KCNJ1: variants seen among roughly 807,000 people sequenced by gnomAD.
The protein encoded by KCNJ1 is ATP-sensitive inward rectifier potassium channel 1.
In KCNJ1, 24 loss-of-function variants were observed where a neutral mutation model predicts 21.9. The ratio of observed to expected loss-of-function variants is 1.10; its 90% CI spans 0.79 to 1.54. KCNJ1 has a LOEUF of 1.54. Ranked by LOEUF, KCNJ1 falls within the 40% of genes most tolerant of loss-of-function variation. The pLI is 0.00. For synonymous variants in KCNJ1, 152 were observed against 160.9 expected (o/e 0.94, Z 0.42); for missense variants, 457 against 455.4 (o/e 1.00, Z -0.03).
chr11:128,852,724 C>T (rs1245700681), intron 1 of KCNJ1, among the ~76,000 whole-genome samples: 1 of 152,258 alleles, frequency 6.6e-6, no homozygotes, highest in East Asian at 1.9e-4. Flanking sequence ...ACCCAGGAGC[C>T]CTCTCAGAAC....
chr11:128,840,425 A>G (rs1196473294), intron 2 of KCNJ1, among the ~76,000 whole-genome samples, 161 bp from the exon 3 acceptor site: 1 of 152,222 alleles, frequency 6.6e-6, no homozygotes, highest in Non-Finnish European at 1.5e-5. Flanking sequence ...CCACAATGCT[A>G]TTTCTGATAG....
At chr11:128,866,006 T>G (rs116828807) in intron 1 of KCNJ1, among the ~76,000 whole-genome samples, 1,683 of 152,288 alleles carry the variant, frequency 0.011, 38 homozygotes, top group African/African-American at 0.039. Context: ...GAAATCCACC[T>G]TCATGACTTG....
At chr11:128,842,640 A>G (rs1330435344) in intron 2 of KCNJ1, 32 of 882,218 alleles carry the variant, frequency 3.6e-5, no homozygotes, top group Admixed American at 3.4e-4. Flanking sequence ...TTTCTTTCCA[A>G]CATCACATGG....
Position 128,841,835 on chromosome 11 carries a change from T to C in KCNJ1, c.-21-1571A>G, listed in dbSNP as rs1388081509. 2.6e-5 allele frequency among the ~76,000 whole-genome samples: 4 copies of C among 152,148 alleles called. No individual in the cohort carries two copies. The East Asian group carries it at 7.7e-4, about 29-fold the overall frequency. ...CTAAAGACATAAAAAAAGAAAATGCTGCCAAGAGAATAAACAGCAATGCAC... is the reference window on the plus strand; with the variant it reads ...CTAAAGACATAAAAAAAGAAAATGCCGCCAAGAGAATAAACAGCAATGCAC... On this transcript the variant is annotated intron_variant, in intron 2 of 2. Transcript: ENST00000392666.
chr11:128,858,112 T>G (rs576779966), intron 1 of KCNJ1, among the ~76,000 whole-genome samples: 3 of 85,382 alleles, frequency 3.5e-5, no homozygotes, highest in Non-Finnish European at 7.0e-5. Context: ...TGGGGAGGGA[T>G]GGGGCAGGAT....
At chr11:128,861,633 C>T (rs747938913) in intron 1 of KCNJ1, among the ~76,000 whole-genome samples, 1 of 152,130 alleles carries the variant, frequency 6.6e-6, no homozygotes, top group Non-Finnish European at 1.5e-5. Context: ...AACTGGGGCT[C>T]GCCTCCCTGG....
At chr11:128,844,554 GCTT>G (rs1043393714) in intron 2 of KCNJ1, among the ~76,000 whole-genome samples, 1 of 152,138 alleles carries the variant, frequency 6.6e-6, no homozygotes, top group Non-Finnish European at 1.5e-5. Context: ...AAAAATATGT[GCTT>G]CATTTTTATG....
chr11:128,854,242 G>C (rs1055163723), intron 1 of KCNJ1, among the ~76,000 whole-genome samples: 1 of 152,192 alleles, frequency 6.6e-6, no homozygotes, highest in Non-Finnish European at 1.5e-5. Context: ...GCTCTCCTGG[G>C]AGCTCGGTTT....
intron 2 of KCNJ1, among the ~76,000 whole-genome samples, chr11:128,847,057 C>A (rs1591410354): frequency 6.6e-6 from 1 of 152,290 alleles, no homozygotes; most frequent in East Asian, 1.9e-4. Context: ...GCTTTAGTCT[C>A]ATGTCAGTCT....
chr11:128,866,510 A>G, intron 1 of KCNJ1: 1 of 959,968 alleles, frequency 1.0e-6, no homozygotes, highest in South Asian at 4.8e-5. Context: ...TATTGGGAGA[A>G]GGGGCTCCAT....
intron 2 of KCNJ1, among the ~76,000 whole-genome samples, chr11:128,846,452 C>T (rs1023053338): frequency 5.3e-5 from 8 of 152,046 alleles, no homozygotes; most frequent in African/African-American, 1.4e-4. Context: ...CCTCCTGGAG[C>T]GAAATGGGCC....
chr11:128,850,942 ACACAGAAG>A, intron 1 of KCNJ1, 52 bp from the exon 2 acceptor site: 1 of 920,604 alleles, frequency 1.1e-6, no homozygotes, highest in Non-Finnish European at 1.3e-6. Context: ...GGACAGGCCC[ACACAGAAG>A]CCAGGGTGAA....
chr11:128,865,120 C>T (rs1173092839), intron 1 of KCNJ1, among the ~76,000 whole-genome samples: 1 of 152,060 alleles, frequency 6.6e-6, no homozygotes, highest in African/African-American at 2.4e-5. Flanking sequence ...TTTGTAAATG[C>T]CATTTCCTTG....
intron 2 of KCNJ1, chr11:128,842,313 G>T: frequency 2.0e-6 from 3 of 1,531,336 alleles, no homozygotes; most frequent in South Asian, 2.3e-5. Flanking sequence ...GAGTTTCCAT[G>T]ACTGCATTAA....
At chr11:128,845,768 C>A (rs1392921681) in intron 2 of KCNJ1, among the ~76,000 whole-genome samples, 1 of 152,292 alleles carries the variant, frequency 6.6e-6, no homozygotes, top group Admixed American at 6.5e-5. Flanking sequence ...CAGGACTCTT[C>A]CAGGCTAGAC....
chr11:128,857,759 C>T (rs374695315), intron 1 of KCNJ1, among the ~76,000 whole-genome samples: 7 of 152,284 alleles, frequency 4.6e-5, no homozygotes, highest in East Asian at 3.9e-4. Context: ...GTGGCAAGGA[C>T]GAGTGCCTGT....
chr11:128,843,354 A>G (rs893792068), intron 2 of KCNJ1, among the ~76,000 whole-genome samples: 1 of 152,238 alleles, frequency 6.6e-6, no homozygotes, highest in African/African-American at 2.4e-5. Flanking sequence ...TATTGAAATC[A>G]GTAAATCTTA....
At chr11:128,844,063 T>C (rs1177871411) in intron 2 of KCNJ1, among the ~76,000 whole-genome samples, 2 of 152,224 alleles carry the variant, frequency 1.3e-5, no homozygotes, top group Non-Finnish European at 2.9e-5. Context: ...AGAAACTCTA[T>C]AAATATTTGC....
intron 2 of KCNJ1, among the ~76,000 whole-genome samples, chr11:128,845,827 C>A (rs144020585): frequency 1.3e-5 from 2 of 152,304 alleles, no homozygotes; most frequent in Non-Finnish European, 2.9e-5. Flanking sequence ...GGTGAGCATA[C>A]TCCTGGGTCC....
Sources: allele counts gnomAD v4.1 joint callset (sites outside exome capture counted in the v4.1 genomes callset), GRCh38; gene constraint gnomAD v4.1.1; transcripts MANE v1.5; gene names NCBI Gene and HGNC (gene_info 2026-07-23, HGNC 2026-07-21).